Variants in ACSM5 observed in about 807,000 individuals in gnomAD.
ACSM5 encodes acyl-CoA synthetase medium chain family member 5.
A neutral mutation model predicts 71.6 loss-of-function variants in ACSM5; 56 were observed. That is an observed-to-expected ratio of 0.78 (90% CI 0.63 to 0.98). The LOEUF is 0.98. Ranked by LOEUF, ACSM5 falls within the 50% of genes least tolerant of loss-of-function variation. ACSM5 has a pLI of 0.00. For missense variants in ACSM5, 723 were observed against 726.0 expected, an observed-to-expected ratio of 1.00 and a Z score of 0.05; for synonymous variants, 285 against 281.5, an observed-to-expected ratio of 1.01 and a Z score of -0.12.
intron 5 of ACSM5, among the ~76,000 whole-genome samples, chr16:20,422,411 C>A (rs540523302): frequency 1.3e-5 from 2 of 152,028 alleles, no homozygotes; most frequent in African/African-American, 4.8e-5. Flanking sequence ...CACCTGGCCT[C>A]GACCACATTT....
At chr16:20,415,029 G>T (rs113343933) in intron 2 of ACSM5, among the ~76,000 whole-genome samples, 6,735 of 152,292 alleles carry the variant, frequency 0.044, 157 homozygotes, top group South Asian at 0.058. Context: ...CCTAGAGCTA[G>T]ATGGATAGAA....
At chr16:20,429,570 G>C (rs1292735616) in intron 7 of ACSM5, 108 bp from the exon 8 acceptor site, 2 of 1,462,064 alleles carry the variant, frequency 1.4e-6, no homozygotes, top group East Asian at 2.3e-5. Context: ...AAAAGCAGGG[G>C]CATCTACCCT....
chr16:20,436,924 C>T (rs764632764), intron 10 of ACSM5, 128 bp from the exon 11 acceptor site: 252 of 1,055,056 alleles, frequency 2.4e-4, no homozygotes, highest in Admixed American at 7.2e-4. Context: ...TCTGGGCAGC[C>T]GGGACTTTAG....
At position 20,440,421 on chromosome 16, in the gene ACSM5, G is replaced by A. The variant is rs778139723; in HGVS notation, c.1734G>A (p.Gly578=). 8.7e-6 allele frequency: 14 copies of A among 1,610,120 alleles called. No individual in the cohort carries two copies. In the African/African-American group the frequency reaches 1.7e-4, roughly 20 times the overall value. ...QRSKLRSQEW[G]K is the part of the protein sequence containing the mutation. The stretch of plus-strand genomic sequence containing the variant: ...GTAAATTGCGAAGTCAGGAGTGGGG[G>A]AAATGAGGTGCACCCCAGGAAGGCC... Residue 578 remains glycine (G), a synonymous_variant, in exon 14 of 14, where the codon GGG becomes GGA. Transcript: ENST00000331849.
In ACSM5 at chr16:20,421,489, C is replaced by T. The variant is rs552407465; in HGVS notation, c.767+88C>T. 1.6e-5 allele frequency: 20 copies of T among 1,286,070 alleles called. No homozygotes were observed. In the East Asian group the frequency reaches 4.0e-4, roughly 26 times the overall value. 79.7% of individuals were successfully genotyped at this position (1,286,070 alleles called of 1,614,324 possible). On this transcript the variant is annotated intron_variant, in intron 5 of 13. Coordinates refer to ENST00000331849, the MANE Select transcript of ACSM5 (RefSeq NM_017888.3). ...GGTGTGAGGGGAAAGGTGTCAGGAACGGAGGTCAGAGAGCCAACAGAATTA... is the reference window on the plus strand; with the variant it reads ...GGTGTGAGGGGAAAGGTGTCAGGAATGGAGGTCAGAGAGCCAACAGAATTA...
At chr16:20,422,300 C>T (rs111640951) in intron 5 of ACSM5, among the ~76,000 whole-genome samples, 6,758 of 152,010 alleles carry the variant, frequency 0.044, 160 homozygotes, top group South Asian at 0.061. Context: ...TTAGTAGAGA[C>T]CGGGTTTCAC....
At chr16:20,429,858 C>T (rs1175002759) in intron 8 of ACSM5, 57 bp downstream of exon 8, 8 of 1,589,382 alleles carry the variant, frequency 5.0e-6, no homozygotes, top group Non-Finnish European at 6.8e-6. Context: ...AGCTTCCTGC[C>T]TCTCCGGCTG....
intron 10 of ACSM5, among the ~76,000 whole-genome samples, chr16:20,434,827 G>A (rs578179626): frequency 6.6e-6 from 1 of 152,160 alleles, no homozygotes; most frequent in Non-Finnish European, 1.5e-5. Flanking sequence ...ATTACCATAA[G>A]TCTTCACATG....
At chr16:20,414,487 G>A (rs1199324984) in intron 2 of ACSM5, among the ~76,000 whole-genome samples, 1 of 152,168 alleles carries the variant, frequency 6.6e-6, no homozygotes, top group East Asian at 1.9e-4. Flanking sequence ...GCATCCAGTA[G>A]GAAAACAATT....
chr16:20,423,779 G>C (rs1011877560), intron 5 of ACSM5, 137 bp from the exon 6 acceptor site: 16 of 996,202 alleles, frequency 1.6e-5, no homozygotes, highest in African/African-American at 1.1e-4. Flanking sequence ...TAGTTGACTT[G>C]ATGGTCTTGT....
At chr16:20,412,036 C>T (rs1043393225) in intron 2 of ACSM5, 15 of 304,226 alleles carry the variant, frequency 4.9e-5, no homozygotes, top group Admixed American at 9.1e-5. Context: ...CTCACTGTCA[C>T]GCCCTTCTCT....
chr16:20,409,884 A>G (rs1966844170), intron 1 of ACSM5, among the ~76,000 whole-genome samples: 1 of 17,102 alleles, frequency 5.8e-5, no homozygotes, highest in Non-Finnish European at 9.6e-5. Flanking sequence ...GGGGCGGGAG[A>G]GGTGAGGGGC....
intron 6 of ACSM5, among the ~76,000 whole-genome samples, chr16:20,427,072 G>T (rs1344702975): frequency 2.6e-5 from 4 of 151,746 alleles, no homozygotes; most frequent in African/African-American, 9.7e-5. Flanking sequence ...GGAGGCCAAG[G>T]CGGGTGAATC....
At position 20,411,547 on chromosome 16, in the gene ACSM5, G is replaced by C; in HGVS notation, c.63G>C (p.Gly21=). The change falls in exon 2 of 14, where the codon GGG becomes GGC. Residue 21 remains glycine, a synonymous_variant. Coordinates refer to ENST00000331849, the MANE Select transcript of ACSM5 (RefSeq NM_017888.3). The part of the protein sequence containing the change: ...QALRNSRAFC[G]SHGKPAPLPV... The stretch of plus-strand genomic sequence containing the variant: ...TGAGGAACTCCAGGGCATTCTGTGG[G>C]TCTCATGGGAAGCCAGCACCTCTAC... 1 of 1,614,186 alleles carries C rather than the reference G, an allele frequency of 6.2e-7. No homozygotes were observed. The highest frequency in any genetic ancestry group is 8.5e-7 in the Non-Finnish European group (1 of 1,180,034).
rs564587863 is a variant in ACSM5 at position 20,431,689 on chromosome 16, A to C, written c.1308+368A>C. Among the ~76,000 whole-genome samples the C allele has an allele frequency of 8.5e-5, 13 of 152,150 alleles. No homozygotes were observed. The East Asian group carries it at 2.3e-3, about 27-fold the overall frequency. The stretch of plus-strand genomic sequence containing the variant: ...ACTGCAGCCGGGTGCAGTGGCTCAC[A>C]TCTGTAATCTCAGCACTTTCAGAGG... On this transcript the variant is annotated intron_variant, in intron 10 of 13. Coordinates refer to ENST00000331849, the MANE Select transcript of ACSM5 (RefSeq NM_017888.3).
chr16:20,414,855 A>T (rs985428044), intron 2 of ACSM5, among the ~76,000 whole-genome samples: 1 of 152,234 alleles, frequency 6.6e-6, no homozygotes, highest in African/African-American at 2.4e-5. Context: ...AGTATGACAG[A>T]TGAGACTGTA....
At chr16:20,436,479 G>T (rs556943552) in intron 10 of ACSM5, among the ~76,000 whole-genome samples, 4 of 151,862 alleles carry the variant, frequency 2.6e-5, no homozygotes, top group Non-Finnish European at 4.4e-5. Flanking sequence ...TAAGCAATTC[G>T]CCTGCCTCAG....
chr16:20,421,218 T>C (rs1966877274), intron 4 of ACSM5, 40 bp from the exon 5 acceptor site: 1 of 1,524,172 alleles, frequency 6.6e-7, no homozygotes, highest in South Asian at 1.2e-5. Context: ...CTAACTGTTT[T>C]TACCGTGGTA....
intron 12 of ACSM5, among the ~76,000 whole-genome samples, chr16:20,438,520 C>G (rs571204804): frequency 1.8e-4 from 27 of 151,848 alleles, no homozygotes; most frequent in African/African-American, 6.5e-4. Context: ...GTGTGGAGTC[C>G]CATTGATGTG....
Sources: allele counts gnomAD v4.1 joint callset (sites outside exome capture counted in the v4.1 genomes callset), GRCh38; gene constraint gnomAD v4.1.1; transcripts MANE v1.5; gene names NCBI Gene and HGNC (gene_info 2026-07-23, HGNC 2026-07-21).